Variants in CNTN6 observed in about 807,000 individuals in gnomAD.
The protein encoded by CNTN6 is contactin 6.
A neutral mutation model predicts 122.8 loss-of-function variants in CNTN6; 137 were observed. That is an observed-to-expected ratio of 1.12 (90% CI 0.97 to 1.29). CNTN6 has a LOEUF of 1.29. CNTN6 is among the 50% of genes most tolerant of loss of function. CNTN6 has a pLI of 0.00. For synonymous variants in CNTN6, 570 were observed against 426.0 expected, an observed-to-expected ratio of 1.34 and a Z score of -4.16; for missense variants, 1,634 against 1,223.4, an observed-to-expected ratio of 1.34 and a Z score of -5.01.
At chr3:1,333,252 C>A (rs1044794242) in intron 11 of CNTN6, among the ~76,000 whole-genome samples, 1 of 151,958 alleles carries the variant, frequency 6.6e-6, no homozygotes, top group African/African-American at 2.4e-5. Context: ...TGCATGTGTA[C>A]ATACACTGTT....
chr3:1,211,835 C>G (rs1469159101), intron 2 of CNTN6, among the ~76,000 whole-genome samples: 1 of 152,092 alleles, frequency 6.6e-6, no homozygotes, highest in Non-Finnish European at 1.5e-5. Flanking sequence ...GAGAGAAACA[C>G]CAGAGCCCAA....
At chr3:1,162,012 C>T (rs780801560) in intron 2 of CNTN6, among the ~76,000 whole-genome samples, 2 of 151,900 alleles carry the variant, frequency 1.3e-5, no homozygotes, top group African/African-American at 2.4e-5. Context: ...TCTGAAGATA[C>T]CTAATAGTTT....
chr3:1,220,921 C>A, intron 3 of CNTN6, 108 bp downstream of exon 3: 1 of 1,190,848 alleles, frequency 8.4e-7, no homozygotes, highest in Admixed American at 2.7e-5. Flanking sequence ...GTGTACAGCT[C>A]AAGGAATTTC....
At chr3:1,342,627 C>T (rs950548645) in intron 11 of CNTN6, among the ~76,000 whole-genome samples, 2 of 151,952 alleles carry the variant, frequency 1.3e-5, no homozygotes, top group Non-Finnish European at 2.9e-5. Context: ...CTATTATTTG[C>T]CTGGAGCTAG....
chr3:1,128,167 G>A (rs531277004), intron 1 of CNTN6: 2 of 152,016 alleles, frequency 1.3e-5, no homozygotes, highest in South Asian at 4.1e-4. Flanking sequence ...TCATCCTTTT[G>A]AAATTGTGAT....
Position 1,321,812 on chromosome 3 carries a change from A to C in CNTN6, c.924A>C (p.Ala308=), listed in dbSNP as rs1330171050. The C allele has an allele frequency of 2.5e-6, 4 of 1,608,060 alleles. No individual in the cohort carries two copies. Among genetic ancestry groups the C allele is most frequent in the Non-Finnish European group, 3.4e-6 (4 of 1,176,964 alleles). Residue 308 remains alanine (A), a synonymous_variant, in exon 8 of 23, where the codon GCA becomes GCC. Coordinates refer to ENST00000446702, the MANE Select transcript of CNTN6 (RefSeq NM_001289080.2). The part of the protein sequence containing the change: ...IASNLRGRNL[A]KGQLIFYAPP... ...GCAACCTTCGAGGAAGAAACCTTGC[A>C]AAGGGTCAACTCATTTTTTATGGTG... is the stretch of plus-strand genomic sequence containing the variant.
intron 4 of CNTN6, among the ~76,000 whole-genome samples, chr3:1,242,625 G>A (rs913176754): frequency 1.3e-5 from 2 of 152,158 alleles, no homozygotes; most frequent in Admixed American, 6.5e-5. Context: ...GCCAGGGAAG[G>A]AGTAGAGATG....
chr3:1,382,958 T>A lies in CNTN6; in HGVS notation c.2183T>A (p.Leu728Gln). Reference protein sequence around the residue: ...VITWESIPEELQNGEGFGYII... With the variant: ...VITWESIPEEQQNGEGFGYII... ...CTGCCCAAGTCAATTCCAGAAGAAC[T>A]GCAGAATGGGGAGGGATTTGGATAT... The change falls in exon 18 of 23, where the codon CTG becomes CAG. Residue 728 changes from leucine to glutamine, a missense_variant. Leu to Gln is a moderately radical substitution (Grantham distance 113). Coordinates refer to ENST00000446702, the MANE Select transcript of CNTN6 (RefSeq NM_001289080.2). 6.2e-7 allele frequency: 1 copy of A among 1,613,724 alleles called. No individual in the cohort carries two copies. The highest frequency in any genetic ancestry group is 8.5e-7 in the Non-Finnish European group (1 of 1,179,696).
chr3:1,301,659 A>G (rs1697444107), intron 7 of CNTN6, among the ~76,000 whole-genome samples: 1 of 152,202 alleles, frequency 6.6e-6, no homozygotes. Context: ...TGTTTATTAA[A>G]TGAAGGCATT....
At chr3:1,112,456 C>T (rs1198844807) in intron 1 of CNTN6, among the ~76,000 whole-genome samples, 5 of 152,090 alleles carry the variant, frequency 3.3e-5, no homozygotes, top group African/African-American at 1.2e-4. Context: ...AGCCAAAAAC[C>T]TGAGAACCTG....
intron 2 of CNTN6, among the ~76,000 whole-genome samples, chr3:1,203,283 C>A (rs978491765): frequency 3.3e-5 from 5 of 152,024 alleles, no homozygotes; most frequent in African/African-American, 1.2e-4. Context: ...CACAAAGAAC[C>A]AGGAAATTAT....
chr3:1,295,645 C>G lies in CNTN6; in HGVS notation c.499C>G (p.Gln167Glu), dbSNP rs1285396347. 2 of 1,613,716 alleles carry G rather than the reference C, an allele frequency of 1.2e-6. No homozygotes were observed. Among genetic ancestry groups the G allele is most frequent in the Non-Finnish European group, 1.7e-6 (2 of 1,179,902 alleles). The change falls in exon 6 of 23, where the codon CAA becomes GAA. Residue 167 changes from glutamine to glutamate, a missense_variant. Physicochemically the swap from Gln to Glu is conservative, Grantham distance 29 (BLOSUM62 2). Transcript: ENST00000446702. ...WTFNDNPLYVQEDNRRFVSQE... is the reference protein window; with the variant it reads ...WTFNDNPLYVEEDNRRFVSQE... ...CTTCAATGATAACCCCTTATACGTC[C>G]AAGAGGACAATAGGCGATTTGTATC...
At chr3:1,256,118 G>C (rs1288146694) in intron 4 of CNTN6, among the ~76,000 whole-genome samples, 1 of 151,978 alleles carries the variant, frequency 6.6e-6, no homozygotes, top group African/African-American at 2.4e-5. Flanking sequence ...TGATCCTTCT[G>C]TCGTGGTCTC....
chr3:1,228,313 A>C (rs1412396061), intron 4 of CNTN6, among the ~76,000 whole-genome samples: 3 of 152,144 alleles, frequency 2.0e-5, no homozygotes, highest in Non-Finnish European at 4.4e-5. Context: ...TTTCTTTTGC[A>C]TTGGATATTA....
intron 2 of CNTN6, among the ~76,000 whole-genome samples, chr3:1,155,794 TC>T (rs77942903): frequency 0.16 from 24,566 of 152,056 alleles, 2,982 homozygotes; most frequent in African/African-American, 0.32. Flanking sequence ...CCATTGCCTC[TC>T]CCCCCAAGAC....
intron 7 of CNTN6, among the ~76,000 whole-genome samples, chr3:1,309,458 C>T (rs546560799): frequency 1.4e-4 from 21 of 152,220 alleles, no homozygotes; most frequent in South Asian, 8.3e-4. Flanking sequence ...GGTCTATTAC[C>T]GGGATCTCTT....
chr3:1,171,617 CT>C (rs1267129873), intron 2 of CNTN6, among the ~76,000 whole-genome samples: 3 of 151,220 alleles, frequency 2.0e-5, no homozygotes, highest in Admixed American at 6.6e-5. Context: ...GCTCTATACT[CT>C]TTTTTTTTAG....
intron 4 of CNTN6, among the ~76,000 whole-genome samples, chr3:1,275,624 T>C (rs1297571322): frequency 2.0e-5 from 3 of 152,180 alleles, no homozygotes; most frequent in Non-Finnish European, 2.9e-5. Context: ...ATAAATCCCA[T>C]TCTTAGCCCT....
chr3:1,163,745 C>T (rs2093185957), intron 2 of CNTN6, among the ~76,000 whole-genome samples: 1 of 152,172 alleles, frequency 6.6e-6, no homozygotes, highest in South Asian at 2.1e-4. Context: ...GCCTGTCTGT[C>T]AATGCGGTCA....
Sources: gnomAD v4.1 joint callset for allele counts (sites outside exome capture counted in the v4.1 genomes callset) on GRCh38, gnomAD v4.1.1 for gene constraint, MANE v1.5 for transcripts, NCBI Gene and HGNC (gene_info 2026-07-23, HGNC 2026-07-21) for gene names.